The following FGD6 variants were observed in gnomAD, a reference collection of about 807,000 sequenced individuals.
FGD6 encodes the protein FYVE, RhoGEF and PH domain containing 6, also known as FYVE, RhoGEF and PH domain-containing protein 6.
In FGD6, 90 loss-of-function variants were observed where a neutral mutation model predicts 149.4. The observed-to-expected ratio is 0.60, with a 90% CI of 0.51 to 0.72. FGD6 has a LOEUF of 0.72. Ranked by LOEUF, FGD6 falls within the 30% of genes least tolerant of loss-of-function variation. FGD6 has a pLI of 0.00. For synonymous variants in FGD6, 527 were observed against 584.0 expected (o/e 0.90, Z 1.41); for missense variants, 1,437 against 1,684.8 (o/e 0.85, Z 2.57).
intron 3 of FGD6, among the ~76,000 whole-genome samples, chr12:95,158,520 G>A (rs1002300938): frequency 2.0e-5 from 3 of 151,908 alleles, no homozygotes; most frequent in African/African-American, 7.3e-5. Flanking sequence ...CTTAAGCACA[G>A]TCTGACCTTG....
intron 9 of FGD6, among the ~76,000 whole-genome samples, chr12:95,109,027 AGGTCTC>A (rs1878725784): frequency 6.6e-6 from 1 of 152,228 alleles, no homozygotes; most frequent in Non-Finnish European, 1.5e-5. Flanking sequence ...GACTAAGATC[AGGTCTC>A]AGTCTCTTAG....
intron 8 of FGD6, among the ~76,000 whole-genome samples, chr12:95,117,353 A>G (rs1879048094): frequency 6.6e-6 from 1 of 152,122 alleles, no homozygotes; most frequent in African/African-American, 2.4e-5. Flanking sequence ...CCATCACCCA[A>G]CATGAGTAGC....
Position 95,137,645 on chromosome 12 carries a change from T to C in FGD6, c.2871A>G (p.Val957=). ...ACATTTTTAGATATGGTCCCTTCTTTACAAAGATATCAGCAATTCTTTGTT... is the reference window on the plus strand; with the variant it reads ...ACATTTTTAGATATGGTCCCTTCTTCACAAAGATATCAGCAATTCTTTGTT... ...TEQQRIADIF[V]KKGPYLKMYS... is the part of the protein sequence containing the mutation. The change falls in exon 7 of 21, where the codon GTA becomes GTG. Residue 957 remains valine (V), a synonymous_variant. Coordinates refer to ENST00000343958, the MANE Select transcript of FGD6 (RefSeq NM_018351.4). 2 of 1,608,362 alleles carry C rather than the reference T, an allele frequency of 1.2e-6. No homozygotes were observed. Among genetic ancestry groups the C allele is most frequent in the Non-Finnish European group, 8.5e-7 (1 of 1,177,920 alleles).
At position 95,107,546 on chromosome 12, in the gene FGD6, T is replaced by C; in HGVS notation, c.3333+17A>G. The C allele has an allele frequency of 1.2e-6, 2 of 1,613,700 alleles. No individual in the cohort carries two copies. The highest frequency in any genetic ancestry group is 2.2e-5 in the South Asian group (2 of 91,070). On this transcript the variant is annotated intron_variant, in intron 12 of 20. Coordinates refer to ENST00000343958, the MANE Select transcript of FGD6 (RefSeq NM_018351.4). ...ATCCCTACCTCGGCCACATCAGAACTACACAAGTCCTCTTACCAGGAAAAA... is the reference window on the plus strand; with the variant it reads ...ATCCCTACCTCGGCCACATCAGAACCACACAAGTCCTCTTACCAGGAAAAA...
intron 2 of FGD6, among the ~76,000 whole-genome samples, chr12:95,199,297 C>G (rs1456693091): frequency 6.6e-6 from 1 of 152,122 alleles, no homozygotes; most frequent in Non-Finnish European, 1.5e-5. Context: ...TCCTTTAGTT[C>G]TAAACTTTAA....
rs565737771 is a variant in FGD6 at position 95,104,035 on chromosome 12, C to T, written c.3497+972G>A. Among the ~76,000 whole-genome samples the T allele has an allele frequency of 2.6e-5, 4 of 152,238 alleles. No homozygotes were observed. In the East Asian group the frequency reaches 5.8e-4, roughly 22 times the overall value. ...AATAACCTATAAAGCACTAGTTGTT[C>T]TTAAAAACAATTTGAAATAGCCACT... On this transcript the variant is annotated intron_variant, in intron 14 of 20. Transcript: ENST00000343958.
At chr12:95,085,246 T>C (rs1394975895) in intron 19 of FGD6, among the ~76,000 whole-genome samples, 3 of 130,418 alleles carry the variant, frequency 2.3e-5, no homozygotes, top group Non-Finnish European at 4.7e-5. Context: ...AGACAGAGTC[T>C]CTCTGTTGCC....
chr12:95,155,527 TCAAAA>T (rs1021508839), intron 3 of FGD6, among the ~76,000 whole-genome samples: 1 of 152,060 alleles, frequency 6.6e-6, no homozygotes, highest in African/African-American at 2.4e-5. Context: ...AAACTCTGTC[TCAAAA>T]CAAAACAAAA....
rs189871540 is a variant in FGD6, at chr12:95,094,454, T to C, written c.3600+138A>G. ...AAACTTTTAGCGCTGAAATGAGACA[T>C]TAATCTGTAGAGTAACTCTCTGATG... On this transcript the variant is annotated intron_variant, in intron 15 of 20. Coordinates refer to ENST00000343958, the MANE Select transcript of FGD6 (RefSeq NM_018351.4). The C allele has an allele frequency of 6.7e-6, 4 of 595,194 alleles. No homozygotes were observed. In the South Asian group the frequency reaches 6.9e-5, roughly 10 times the overall value. 36.9% of individuals were successfully genotyped at this position (595,194 alleles called of 1,614,324 possible).
intron 3 of FGD6, among the ~76,000 whole-genome samples, chr12:95,167,256 G>C (rs1880846160): frequency 1.3e-5 from 2 of 152,160 alleles, no homozygotes; most frequent in South Asian, 4.1e-4. Context: ...GGATACCTAA[G>C]AGTAGCATTG....
intron 1 of FGD6, among the ~76,000 whole-genome samples, chr12:95,216,583 A>T (rs2056789976): frequency 6.6e-6 from 1 of 151,252 alleles, no homozygotes; most frequent in Admixed American, 6.6e-5. Context: ...AGGGGAAAGA[A>T]CTATGGGAGG....
intron 8 of FGD6, among the ~76,000 whole-genome samples, chr12:95,122,391 A>T (rs1314992161): frequency 6.6e-6 from 1 of 152,108 alleles, no homozygotes; most frequent in East Asian, 1.9e-4. Context: ...TGCACCTGTC[A>T]TCCCAGCACT....
intron 8 of FGD6, among the ~76,000 whole-genome samples, chr12:95,128,943 A>T (rs1419812890): frequency 6.6e-6 from 1 of 152,192 alleles, no homozygotes; most frequent in Non-Finnish European, 1.5e-5. Flanking sequence ...TTATACTATG[A>T]ATAAGTGGGT....
chr12:95,161,740 A>G (rs1374099402), intron 3 of FGD6, among the ~76,000 whole-genome samples: 1 of 152,144 alleles, frequency 6.6e-6, no homozygotes, highest in African/African-American at 2.4e-5. Flanking sequence ...TGTCAGTACC[A>G]TCTTTACACT....
At chr12:95,129,107 G>A (rs1388552862) in intron 8 of FGD6, among the ~76,000 whole-genome samples, 1 of 152,124 alleles carries the variant, frequency 6.6e-6, no homozygotes, top group Non-Finnish European at 1.5e-5. Context: ...GGCCTGGCCT[G>A]GAGCCTAACA....
intron 2 of FGD6, among the ~76,000 whole-genome samples, chr12:95,175,723 C>T (rs554176471): frequency 9.4e-5 from 14 of 148,834 alleles, no homozygotes; most frequent in African/African-American, 3.5e-4. Context: ...TCGCTTGAAC[C>T]AGGGAGGTGG....
chr12:95,192,638 T>C (rs1439785541), intron 2 of FGD6, among the ~76,000 whole-genome samples: 2 of 152,106 alleles, frequency 1.3e-5, no homozygotes, highest in Non-Finnish European at 2.9e-5. Context: ...AAGTAGATAA[T>C]ATACTGACAA....
Position 95,209,751 on chromosome 12 carries a change from T to C in FGD6, c.1533A>G (p.Lys511=). ...CCAAAAGCTCCTCGGAGGCAGCCTTTTTAAGCACTCCTGTAGCAGGCAAGC... is the reference window on the plus strand; with the variant it reads ...CCAAAAGCTCCTCGGAGGCAGCCTTCTTAAGCACTCCTGTAGCAGGCAAGC... The part of the protein sequence containing the change: ...RHSLPATGVL[K]KAASEELLEK... The change falls in exon 2 of 21, where the codon AAA becomes AAG. Residue 511 remains lysine (K), a synonymous_variant. Transcript: ENST00000343958. 1 of 1,614,146 alleles carries C rather than the reference T, an allele frequency of 6.2e-7. No individual in the cohort carries two copies. The highest frequency in any genetic ancestry group is 1.1e-5 in the South Asian group (1 of 91,064).
intron 20 of FGD6, among the ~76,000 whole-genome samples, chr12:95,081,806 C>T (rs1447482517): frequency 6.6e-5 from 10 of 151,182 alleles, no homozygotes; most frequent in Non-Finnish European, 1.0e-4. Flanking sequence ...CCAAGTAGCT[C>T]GAATTACAGG....
Sources: allele counts gnomAD v4.1 joint callset (sites outside exome capture counted in the v4.1 genomes callset), GRCh38; gene constraint gnomAD v4.1.1; transcripts MANE v1.5; gene names NCBI Gene and HGNC (gene_info 2026-07-23, HGNC 2026-07-21).